The following PABPC4L variants were observed in gnomAD, a reference collection of about 807,000 sequenced individuals.
PABPC4L encodes polyadenylate-binding protein 4-like.
For synonymous variants in PABPC4L, 169 were observed against 164.1 expected (o/e 1.03, Z -0.23); for missense variants, 452 against 451.4 (o/e 1.00, Z -0.01).
At chr4:134,161,132 A>T in the PABPC4L span, among the ~76,000 whole-genome samples, 3 of 152,000 alleles carry the variant, frequency 2.0e-5, no homozygotes, top group Non-Finnish European at 4.4e-5. Flanking sequence ...AAGCTGAAAA[A>T]TTCAATTAAC....
chr4:134,084,051 T>C, the PABPC4L span, among the ~76,000 whole-genome samples: 2 of 152,118 alleles, frequency 1.3e-5, no homozygotes, highest in Non-Finnish European at 2.9e-5. Flanking sequence ...GTTACTTGTG[T>C]AATTTTTATT....
chr4:134,058,241 A>G, the PABPC4L span, among the ~76,000 whole-genome samples: 1 of 152,094 alleles, frequency 6.6e-6, no homozygotes, highest in African/African-American at 2.4e-5. Context: ...ACATACTTAA[A>G]TAAATTGAGA....
the PABPC4L span, among the ~76,000 whole-genome samples, chr4:133,983,354 A>G: frequency 2.6e-5 from 4 of 151,908 alleles, no homozygotes; most frequent in African/African-American, 9.7e-5. Context: ...TACATGCTCA[A>G]TTGGCCCCTT....
At chr4:134,160,303 G>C in the PABPC4L span, among the ~76,000 whole-genome samples, 1 of 152,090 alleles carries the variant, frequency 6.6e-6, no homozygotes, top group African/African-American at 2.4e-5. Context: ...AAAAGAGAGG[G>C]AAGAGAGCAA....
the PABPC4L span, among the ~76,000 whole-genome samples, chr4:133,967,209 T>C: frequency 1.3e-5 from 2 of 152,100 alleles, no homozygotes; most frequent in Non-Finnish European, 2.9e-5. Context: ...CGGTGGCCCA[T>C]GCATGTAATC....
the PABPC4L span, among the ~76,000 whole-genome samples, chr4:134,030,801 T>C: frequency 6.6e-6 from 1 of 151,946 alleles, no homozygotes; most frequent in African/African-American, 2.4e-5. Flanking sequence ...ATAGAAGAGA[T>C]TAATAATATA....
chr4:134,095,158 C>A, the PABPC4L span, among the ~76,000 whole-genome samples: 39 of 151,710 alleles, frequency 2.6e-4, no homozygotes, highest in African/African-American at 9.2e-4. Flanking sequence ...ATCTCCTTTG[C>A]CTAATTACTT....
At chr4:134,048,589 A>G in the PABPC4L span, among the ~76,000 whole-genome samples, 1 of 152,290 alleles carries the variant, frequency 6.6e-6, no homozygotes, top group East Asian at 1.9e-4. Flanking sequence ...AACACTGCTG[A>G]AAATACAATT....
At chr4:134,040,928 C>T in the PABPC4L span, among the ~76,000 whole-genome samples, 83 of 152,232 alleles carry the variant, frequency 5.5e-4, 1 homozygote, top group South Asian at 0.016. Flanking sequence ...TGAACAGACA[C>T]TTCTCAAAAG....
the PABPC4L span, among the ~76,000 whole-genome samples, chr4:134,053,474 C>T: frequency 1.3e-5 from 2 of 152,054 alleles, no homozygotes; most frequent in Admixed American, 1.3e-4. Context: ...AGGCCAAGCC[C>T]ATTGTAATAA....
At chr4:133,951,203 G>A in the PABPC4L span, among the ~76,000 whole-genome samples, 1 of 152,070 alleles carries the variant, frequency 6.6e-6, no homozygotes, top group South Asian at 2.1e-4. Context: ...ATCTCATCAT[G>A]TAATGGAGCT....
chr4:134,186,523 T>C, the PABPC4L span, among the ~76,000 whole-genome samples: 14 of 152,060 alleles, frequency 9.2e-5, no homozygotes, highest in South Asian at 4.1e-4. Context: ...CTTCCTTACA[T>C]CTTATACAAA....
the PABPC4L span, among the ~76,000 whole-genome samples, chr4:134,131,828 A>G: frequency 3.0e-4 from 45 of 149,804 alleles, no homozygotes; most frequent in Non-Finnish European, 4.9e-4. Flanking sequence ...CTGTAAGGTT[A>G]TAGTCACCAA....
chr4:133,977,253 A>G, the PABPC4L span, among the ~76,000 whole-genome samples: 1 of 151,854 alleles, frequency 6.6e-6, no homozygotes, highest in Admixed American at 6.6e-5. Context: ...TGAGTTCTCT[A>G]TTCTTTCCAT....
chr4:134,047,843 T>C, the PABPC4L span, among the ~76,000 whole-genome samples: 1 of 151,308 alleles, frequency 6.6e-6, no homozygotes, highest in Non-Finnish European at 1.5e-5. Context: ...GTCATGCTTA[T>C]GATGTGTCAG....
At chr4:134,026,251 T>G in the PABPC4L span, among the ~76,000 whole-genome samples, 1 of 152,026 alleles carries the variant, frequency 6.6e-6, no homozygotes, top group Non-Finnish European at 1.5e-5. Flanking sequence ...ATTTTTTTTT[T>G]TTTTAGACAA....
chr4:134,033,605 G>T, the PABPC4L span, among the ~76,000 whole-genome samples: 1 of 151,916 alleles, frequency 6.6e-6, no homozygotes, highest in Admixed American at 6.6e-5. Flanking sequence ...ATAAGGAAGT[G>T]AAACAGTTTT....
Position 134,201,231 on chromosome 4 carries a change from G to C in PABPC4L, c.-212C>G. 1.3e-6 allele frequency: 2 copies of C among 1,537,268 alleles called. No homozygotes were observed. The highest frequency in any genetic ancestry group is 1.2e-5 in the South Asian group (1 of 83,028). On this transcript the variant is annotated 5_prime_UTR_variant, in exon 2 of 2. Coordinates refer to ENST00000421491, the MANE Select transcript of PABPC4L (RefSeq NM_001114734.2). Reference sequence around the variant, plus strand: ...ACAGCCACCAATCTGGCCCTCCTAGGACGCGGCAACAGAACTGTGAAATCG... The same window carrying C: ...ACAGCCACCAATCTGGCCCTCCTAGCACGCGGCAACAGAACTGTGAAATCG...
chr4:134,004,402 A>T, the PABPC4L span, among the ~76,000 whole-genome samples: 10 of 151,962 alleles, frequency 6.6e-5, no homozygotes, highest in Admixed American at 6.6e-4. Context: ...GCTCAATATC[A>T]TCAGTCATCA....
Sources: allele counts gnomAD v4.1 joint callset (sites outside exome capture counted in the v4.1 genomes callset), GRCh38; gene constraint gnomAD v4.1.1; transcripts MANE v1.5; gene names NCBI Gene and HGNC (gene_info 2026-07-23, HGNC 2026-07-21).